DPYD: variants seen among roughly 807,000 people sequenced by gnomAD.
DPYD encodes the protein dihydropyrimidine dehydrogenase [NADP(+)].
Under a neutral mutation model 116.2 loss-of-function variants are expected in DPYD, and 109 were observed. The ratio of observed to expected loss-of-function variants is 0.94; its 90% CI spans 0.80 to 1.10. DPYD has a LOEUF of 1.10. Ranked by LOEUF, DPYD falls within the 50% of genes least tolerant of loss-of-function variation. The pLI, the probability that DPYD is intolerant of heterozygous loss-of-function variation, is 0.00. For missense variants in DPYD, 1,302 were observed against 1,254.5 expected (o/e 1.04, Z -0.57); for synonymous variants, 440 against 432.0 (o/e 1.02, Z -0.23).
chr1:97,317,828 C>T (rs1188121266), intron 16 of DPYD, among the ~76,000 whole-genome samples: 1 of 151,930 alleles, frequency 6.6e-6, no homozygotes, highest in Non-Finnish European at 1.5e-5. Flanking sequence ...GAAAGAATTA[C>T]TATTGAGGCA....
At chr1:97,109,682 AG>A (rs1440415732) in intron 20 of DPYD, among the ~76,000 whole-genome samples, 1 of 152,144 alleles carries the variant, frequency 6.6e-6, no homozygotes, top group African/African-American at 2.4e-5. Context: ...TCCCTTTTAC[AG>A]CACAGGACAT....
At chr1:97,856,371 GA>G (rs1181181746) in intron 2 of DPYD, 1 of 152,112 alleles carries the variant, frequency 6.6e-6, no homozygotes, top group Non-Finnish European at 1.5e-5. Context: ...TGCATGTGAA[GA>G]GATGGACACC....
intron 16 of DPYD, among the ~76,000 whole-genome samples, chr1:97,367,027 C>T (rs1169522583): frequency 6.6e-6 from 1 of 152,024 alleles, no homozygotes; most frequent in South Asian, 2.1e-4. Flanking sequence ...CCAAGCAGGG[C>T]TGTGGTCATT....
At position 97,775,025 on chromosome 1, in the gene DPYD, G is replaced by A. The variant is rs1666323970; in HGVS notation, c.234-34546C>T. 3 of 253,106 alleles carry A rather than the reference G, an allele frequency of 1.2e-5. No individual in the cohort carries two copies. The South Asian group carries it at 1.7e-4, about 14-fold the overall frequency. The allele number at this position is 253,106 out of a possible 1,614,324, so 15.7% of individuals were successfully genotyped here. A position where few individuals can be genotyped will look rare whatever the true frequency, so the allele number is the denominator to read the frequency against. On this transcript the variant is annotated intron_variant, in intron 3 of 22. Transcript: ENST00000370192. Reference sequence around the variant, plus strand: ...CTCTATGAATGCCAGGTTTGTGACAGTGTCTGGGGTTTATATGTAGATTAT... The same window carrying A: ...CTCTATGAATGCCAGGTTTGTGACAATGTCTGGGGTTTATATGTAGATTAT...
chr1:97,597,758 C>G (rs1027455768), intron 8 of DPYD, among the ~76,000 whole-genome samples: 1 of 152,170 alleles, frequency 6.6e-6, no homozygotes, highest in Non-Finnish European at 1.5e-5. Context: ...TTCCAGTCTC[C>G]TGTCCTGCGC....
At chr1:97,435,772 G>A (rs1675439087) in intron 14 of DPYD, among the ~76,000 whole-genome samples, 3 of 151,780 alleles carry the variant, frequency 2.0e-5, no homozygotes, top group African/African-American at 7.2e-5. Flanking sequence ...TTAGTTCTTT[G>A]TGAAAAATAA....
At chr1:97,611,256 G>C (rs1451388631) in intron 8 of DPYD, among the ~76,000 whole-genome samples, 1 of 151,912 alleles carries the variant, frequency 6.6e-6, no homozygotes, top group African/African-American at 2.4e-5. Flanking sequence ...CATCAGATTT[G>C]GTGAGACCCA....
intron 8 of DPYD, among the ~76,000 whole-genome samples, chr1:97,609,796 T>C (rs2100744730): frequency 6.6e-6 from 1 of 152,128 alleles, no homozygotes; most frequent in Admixed American, 6.6e-5. Context: ...TGCTTGAATG[T>C]TAATATAGCT....
chr1:97,546,426 T>C, intron 12 of DPYD: 12 of 1,582,804 alleles, frequency 7.6e-6, no homozygotes, highest in East Asian at 2.2e-5. Context: ...AAGAAACCAA[T>C]AGAGATTCCT....
chr1:97,529,333 C>A (rs575403139), intron 12 of DPYD, among the ~76,000 whole-genome samples: 2 of 152,238 alleles, frequency 1.3e-5, no homozygotes, highest in Non-Finnish European at 2.9e-5. Context: ...GTGCTAGGAA[C>A]ACAACAGTTA....
At chr1:97,384,009 TGAGA>T (rs1294408604) in intron 14 of DPYD, among the ~76,000 whole-genome samples, 1 of 151,966 alleles carries the variant, frequency 6.6e-6, no homozygotes, top group Non-Finnish European at 1.5e-5. Flanking sequence ...CTCAGGAAGC[TGAGA>T]TGGGAGGATC....
At chr1:97,231,766 GAAAT>G (rs1553238415) in intron 19 of DPYD, among the ~76,000 whole-genome samples, 1 of 152,132 alleles carries the variant, frequency 6.6e-6, no homozygotes, top group Non-Finnish European at 1.5e-5. Context: ...GTAGGTTGTG[GAAAT>G]ACTATATGTA....
chr1:97,651,329 C>A (rs187725111), intron 8 of DPYD, among the ~76,000 whole-genome samples: 1 of 152,020 alleles, frequency 6.6e-6, no homozygotes, highest in Non-Finnish European at 1.5e-5. Context: ...ACAAAAATAC[C>A]CTGCTTGTGA....
chr1:97,215,387 T>C (rs1007671542), intron 19 of DPYD, among the ~76,000 whole-genome samples: 41 of 152,210 alleles, frequency 2.7e-4, no homozygotes, highest in African/African-American at 9.6e-4. Flanking sequence ...CTGATATCAC[T>C]ACCTGTCCAG....
chr1:97,791,149 A>G (rs1431508938), intron 3 of DPYD, among the ~76,000 whole-genome samples: 1 of 152,242 alleles, frequency 6.6e-6, no homozygotes, highest in Non-Finnish European at 1.5e-5. Flanking sequence ...TTTAAGAAAT[A>G]TTTAATGCTT....
At chr1:97,108,871 C>G (rs1157311269) in intron 20 of DPYD, among the ~76,000 whole-genome samples, 1 of 151,926 alleles carries the variant, frequency 6.6e-6, no homozygotes, top group Non-Finnish European at 1.5e-5. Flanking sequence ...CATGAAATTA[C>G]TAAAGAGGTA....
rs1450467164 is a variant in DPYD at position 97,699,566 on chromosome 1, T to A, written c.484-19A>T. The A allele has an allele frequency of 6.2e-7, 1 of 1,612,222 alleles. No individual in the cohort carries two copies. The highest frequency in any genetic ancestry group is 2.2e-5 in the East Asian group (1 of 44,856). ...TGAATACCTACGGGGAAATCAATTGTCATGGTTAAAATTTTGAAACTAGCT... is the reference window on the plus strand; with the variant it reads ...TGAATACCTACGGGGAAATCAATTGACATGGTTAAAATTTTGAAACTAGCT... On this transcript the variant is annotated intron_variant, in intron 5 of 22. Coordinates refer to ENST00000370192, the MANE Select transcript of DPYD (RefSeq NM_000110.4).
At chr1:97,458,180 G>T (rs1250484129) in intron 13 of DPYD, among the ~76,000 whole-genome samples, 1 of 152,092 alleles carries the variant, frequency 6.6e-6, no homozygotes, top group Non-Finnish European at 1.5e-5. Context: ...TATTAGAGCA[G>T]AATTTTCATT....
chr1:97,708,363 ATATGGAAG>A (rs1662101710), intron 5 of DPYD, among the ~76,000 whole-genome samples: 1 of 152,170 alleles, frequency 6.6e-6, no homozygotes, highest in African/African-American at 2.4e-5. Flanking sequence ...ACTTTTTTAC[ATATGGAAG>A]TAGGGTGGTA....
Sources: allele counts gnomAD v4.1 joint callset (sites outside exome capture counted in the v4.1 genomes callset), GRCh38; gene constraint gnomAD v4.1.1; transcripts MANE v1.5; gene names NCBI Gene and HGNC (gene_info 2026-07-23, HGNC 2026-07-21).